Variants in ABTB2 observed in about 807,000 individuals in gnomAD.
ABTB2 encodes ankyrin repeat and BTB domain containing 2, also known as ankyrin repeat and BTB/POZ domain-containing protein 2.
A neutral mutation model predicts 104.1 loss-of-function variants in ABTB2; 56 were observed. The ratio of observed to expected loss-of-function variants is 0.54; its 90% CI spans 0.43 to 0.67. The LOEUF is 0.67. Among genes scored for constraint, ABTB2 ranks in the 30% least tolerant of loss-of-function variants. The pLI is 0.00. For synonymous variants in ABTB2, 606 were observed against 608.2 expected, an observed-to-expected ratio of 1.00 and a Z score of 0.05; for missense variants, 1,279 against 1,407.7, an observed-to-expected ratio of 0.91 and a Z score of 1.46.
chr11:34,249,493 C>T (rs1272579509), intron 1 of ABTB2, among the ~76,000 whole-genome samples: 1 of 152,178 alleles, frequency 6.6e-6, no homozygotes, highest in Non-Finnish European at 1.5e-5. Flanking sequence ...GGAATATCCT[C>T]TAGTACAATA....
At chr11:34,238,192 C>A (rs151150978) in intron 1 of ABTB2, among the ~76,000 whole-genome samples, 2 of 152,196 alleles carry the variant, frequency 1.3e-5, no homozygotes, top group Admixed American at 6.5e-5. Flanking sequence ...AGCCACAGGG[C>A]CTTTGAACTT....
chr11:34,327,874 G>A (rs1018670305), intron 1 of ABTB2, among the ~76,000 whole-genome samples: 2 of 151,336 alleles, frequency 1.3e-5, no homozygotes, highest in African/African-American at 4.9e-5. Flanking sequence ...TCCCCCGGCA[G>A]CTGCGTGTAC....
At position 34,342,955 on chromosome 11, in the gene ABTB2, TTATTTA is replaced by T. The variant is rs1855280863; in HGVS notation, c.883+13740_883+13745del. Reference sequence around the variant, plus strand: ...TTTATTTATTTATTTATTTATTTATTTATTTATTCGTTCATTCATTCATTCATTTTT... The same window carrying T: ...TTTATTTATTTATTTATTTATTTATTTTCGTTCATTCATTCATTCATTTTT... On this transcript the variant is annotated intron_variant, in intron 1 of 16. Coordinates refer to ENST00000435224, the MANE Select transcript of ABTB2 (RefSeq NM_145804.3). Among the ~76,000 whole-genome samples the T allele has an allele frequency of 2.6e-5, 4 of 151,636 alleles. No individual in the cohort carries two copies. In the South Asian group the frequency reaches 6.2e-4, roughly 24 times the overall value.
intron 1 of ABTB2, among the ~76,000 whole-genome samples, chr11:34,257,203 T>A (rs1159660086): frequency 6.6e-6 from 1 of 152,096 alleles, no homozygotes. Flanking sequence ...TTCTGACTTG[T>A]CCATTCAGAA....
intron 1 of ABTB2, among the ~76,000 whole-genome samples, chr11:34,272,737 C>CAAAAAA: frequency 7.2e-6 from 1 of 138,260 alleles, no homozygotes; most frequent in Non-Finnish European, 1.5e-5. Context: ...AAAAACCAAC[C>CAAAAAA]AACCATACAC....
intron 1 of ABTB2, among the ~76,000 whole-genome samples, chr11:34,291,994 T>C (rs1273673478): frequency 6.6e-6 from 1 of 152,086 alleles, no homozygotes; most frequent in Non-Finnish European, 1.5e-5. Context: ...TGCAACTGAT[T>C]TACACATTTA....
intron 1 of ABTB2, among the ~76,000 whole-genome samples, chr11:34,282,223 T>C (rs1294839409): frequency 2.0e-5 from 3 of 152,158 alleles, no homozygotes; most frequent in Non-Finnish European, 4.4e-5. Context: ...TATAATCCCA[T>C]TGGTGATTAG....
intron 1 of ABTB2, among the ~76,000 whole-genome samples, chr11:34,258,334 C>T (rs2133073068): frequency 6.6e-6 from 1 of 152,034 alleles, no homozygotes; most frequent in East Asian, 1.9e-4. Flanking sequence ...CCCTTTAATC[C>T]TCACAGTGAG....
At chr11:34,226,070 C>T (rs953316743) in intron 1 of ABTB2, among the ~76,000 whole-genome samples, 6 of 151,604 alleles carry the variant, frequency 4.0e-5, no homozygotes, top group Non-Finnish European at 5.9e-5. Context: ...CCGAGTGTTG[C>T]GTGCGCCTGT....
intron 1 of ABTB2, among the ~76,000 whole-genome samples, chr11:34,246,601 C>CAAAAAAAAAAAAA (rs60681759): frequency 2.9e-5 from 1 of 34,776 alleles, no homozygotes; most frequent in African/African-American, 1.2e-4. Context: ...AACTCCATCT[C>CAAAAAAAAAAAAA]AAAAAAAAAA....
intron 1 of ABTB2, among the ~76,000 whole-genome samples, chr11:34,354,214 ACT>A (rs1855435211): frequency 6.6e-6 from 1 of 151,940 alleles, no homozygotes; most frequent in South Asian, 2.1e-4. Context: ...AGACACTTTG[ACT>A]CTGAGCATCC....
chr11:34,161,360 T>G (rs981398001), intron 10 of ABTB2, among the ~76,000 whole-genome samples: 2 of 152,194 alleles, frequency 1.3e-5, no homozygotes, highest in African/African-American at 4.8e-5. Flanking sequence ...TCGGCCCAAA[T>G]GCAGGGAACT....
intron 1 of ABTB2, among the ~76,000 whole-genome samples, chr11:34,280,037 C>T (rs1187499768): frequency 6.6e-6 from 1 of 152,110 alleles, no homozygotes; most frequent in Non-Finnish European, 1.5e-5. Flanking sequence ...TCCGAAAGTG[C>T]TGGGATTACA....
At position 34,339,411 on chromosome 11, in the gene ABTB2, C is replaced by T. The variant is rs148394256; in HGVS notation, c.883+17290G>A. Among the ~76,000 whole-genome samples the T allele has an allele frequency of 2.2e-4, 33 of 152,280 alleles. No individual in the cohort carries two copies. The East Asian group carries it at 6.4e-3, about 29-fold the overall frequency. On this transcript the variant is annotated intron_variant, in intron 1 of 16. Coordinates refer to ENST00000435224, the MANE Select transcript of ABTB2 (RefSeq NM_145804.3). ...GGGGCTGTGGGGACAATGAAGGCGACCACAGCACAGATAACAAACAAAGCA... is the reference window on the plus strand; with the variant it reads ...GGGGCTGTGGGGACAATGAAGGCGATCACAGCACAGATAACAAACAAAGCA...
chr11:34,153,358 G>GTCTT (rs1161145386), intron 16 of ABTB2, among the ~76,000 whole-genome samples: 1 of 152,142 alleles, frequency 6.6e-6, no homozygotes, highest in African/African-American at 2.4e-5. Flanking sequence ...GAGTAACACA[G>GTCTT]TCTTTGTACT....
chr11:34,195,075 C>A (rs1455190944), intron 3 of ABTB2, among the ~76,000 whole-genome samples: 1 of 18,066 alleles, frequency 5.5e-5, no homozygotes, highest in African/African-American at 1.1e-4. Context: ...AGATGCCCGG[C>A]GGGGGGGGGG....
At chr11:34,311,507 A>C (rs1308196373) in intron 1 of ABTB2, among the ~76,000 whole-genome samples, 1 of 152,218 alleles carries the variant, frequency 6.6e-6, no homozygotes, top group Non-Finnish European at 1.5e-5. Flanking sequence ...CCACTCTCGG[A>C]ACCAGATTAA....
chr11:34,275,046 A>C (rs1431265800), intron 1 of ABTB2, among the ~76,000 whole-genome samples: 1 of 152,178 alleles, frequency 6.6e-6, no homozygotes, highest in East Asian at 1.9e-4. Context: ...CCAGGCTGGC[A>C]AAGCTGCCTC....
chr11:34,202,380 G>A (rs1483862827), intron 2 of ABTB2, among the ~76,000 whole-genome samples: 1 of 152,210 alleles, frequency 6.6e-6, no homozygotes, highest in African/African-American at 2.4e-5. Flanking sequence ...GGCAGCTGGA[G>A]TGCAGTCCAC....
Sources: allele counts gnomAD v4.1 joint callset (sites outside exome capture counted in the v4.1 genomes callset), GRCh38; gene constraint gnomAD v4.1.1; transcripts MANE v1.5; gene names NCBI Gene and HGNC (gene_info 2026-07-23, HGNC 2026-07-21).